Variants in ANXA4 observed in about 807,000 individuals in gnomAD.
ANXA4 encodes the protein annexin A4.
ANXA4 carries 39 observed loss-of-function variants against 49.8 expected under a neutral mutation model. The ratio of observed to expected loss-of-function variants is 0.78; its 90% CI spans 0.61 to 1.02. The LOEUF (loss-of-function observed/expected upper bound fraction) is 1.02. Among genes scored for constraint, ANXA4 ranks in the 50% least tolerant of loss-of-function variants. The pLI, the probability that ANXA4 is intolerant of heterozygous loss-of-function variation, is 0.00. For synonymous variants in ANXA4, 134 were observed against 152.5 expected (o/e 0.88, Z 0.89); for missense variants, 360 against 410.1 (o/e 0.88, Z 1.05).
chr2:69,774,843 CT>C (rs1321429060), intron 1 of ANXA4, among the ~76,000 whole-genome samples: 1 of 152,118 alleles, frequency 6.6e-6, no homozygotes, highest in Non-Finnish European at 1.5e-5. Flanking sequence ...CTTAGTGTGG[CT>C]TTTGTCCAGT....
intron 2 of ANXA4, among the ~76,000 whole-genome samples, chr2:69,714,171 C>T (rs1573135189): frequency 6.6e-6 from 1 of 152,292 alleles, no homozygotes; most frequent in East Asian, 1.9e-4. Context: ...CAAGGTCTGC[C>T]TTCTGACAAG....
intron 1 of ANXA4, among the ~76,000 whole-genome samples, chr2:69,751,456 C>T (rs2105494311): frequency 7.1e-6 from 1 of 141,530 alleles, no homozygotes; most frequent in African/African-American, 2.7e-5. Flanking sequence ...TGCAGTGAGC[C>T]AAGATCGTGC....
At chr2:69,775,866 G>C (rs1264485061) in intron 1 of ANXA4, among the ~76,000 whole-genome samples, 3 of 152,148 alleles carry the variant, frequency 2.0e-5, no homozygotes, top group Non-Finnish European at 2.9e-5. Context: ...TAAGCTTCTT[G>C]GGTCTTTTGT....
intron 1 of ANXA4, among the ~76,000 whole-genome samples, chr2:69,774,989 A>C (rs1025357209): frequency 1.4e-4 from 21 of 152,232 alleles, no homozygotes; most frequent in African/African-American, 5.1e-4. Context: ...AATACTCTGC[A>C]GTGTTCGAAA....
chr2:69,762,403 A>G (rs1481067708), intron 1 of ANXA4, among the ~76,000 whole-genome samples: 4 of 151,868 alleles, frequency 2.6e-5, no homozygotes. Flanking sequence ...AAAAAAAAAA[A>G]AGACATAGTG....
At chr2:69,655,089 C>T (rs955255981) in intron 2 of ANXA4, among the ~76,000 whole-genome samples, 12 of 152,082 alleles carry the variant, frequency 7.9e-5, no homozygotes, top group Admixed American at 4.6e-4. Context: ...AGAAAACCTA[C>T]GCAATACCAT....
intron 4 of ANXA4, 77 bp downstream of exon 4, chr2:69,804,704 C>T: frequency 8.3e-7 from 1 of 1,204,704 alleles, no homozygotes; most frequent in Non-Finnish European, 1.2e-6. Flanking sequence ...GATCTAGGTT[C>T]CCGAAGTGAC....
At chr2:69,793,592 A>G (rs1672792885) in intron 3 of ANXA4, among the ~76,000 whole-genome samples, 2 of 152,220 alleles carry the variant, frequency 1.3e-5, no homozygotes, top group Non-Finnish European at 2.9e-5. Context: ...CAATTGGATT[A>G]TTGGCCTCTG....
intron 2 of ANXA4, chr2:69,700,465 A>G (rs1678295866): frequency 2.0e-5 from 3 of 152,224 alleles, no homozygotes; most frequent in African/African-American, 7.2e-5. Flanking sequence ...TATCACTGCC[A>G]CCATCCGTAC....
At chr2:69,723,796 C>T (rs1044251318) in intron 3 of ANXA4, among the ~76,000 whole-genome samples, 1 of 152,166 alleles carries the variant, frequency 6.6e-6, no homozygotes, top group Admixed American at 6.5e-5. Context: ...GTCATCCTCC[C>T]ACGTTGGTCT....
intron 2 of ANXA4, among the ~76,000 whole-genome samples, chr2:69,783,725 A>G: frequency 6.6e-6 from 1 of 152,140 alleles, no homozygotes. Flanking sequence ...TATCATTCCT[A>G]GAAGCTCCTC....
intron 3 of ANXA4, among the ~76,000 whole-genome samples, chr2:69,726,513 T>C (rs892793115): frequency 6.6e-6 from 1 of 152,188 alleles, no homozygotes; most frequent in Non-Finnish European, 1.5e-5. Flanking sequence ...AAGATTGACT[T>C]CTTTAATATA....
rs1378708184 is a variant in ANXA4 at position 69,825,610 on chromosome 2, T to G, written c.*95T>G. On this transcript the variant is annotated 3_prime_UTR_variant, in exon 13 of 13. Coordinates refer to ENST00000394295, the MANE Select transcript of ANXA4 (RefSeq NM_001153.5). ...GCTATTATCATTATCTCAGAATGCT[T>G]ATTTCCAATTAAAACGCCTACAGCT... The G allele has an allele frequency of 1.1e-6, 1 of 933,934 alleles. No homozygotes were observed. The highest frequency in any genetic ancestry group is 2.6e-5 in the East Asian group (1 of 39,008). 57.9% of individuals were successfully genotyped at this position (933,934 alleles called of 1,614,324 possible).
At chr2:69,708,635 G>A (rs1158618309) in intron 2 of ANXA4, among the ~76,000 whole-genome samples, 1 of 152,062 alleles carries the variant, frequency 6.6e-6, no homozygotes, top group African/African-American at 2.4e-5. Context: ...CATCCTGCAG[G>A]ACCAGCAGGT....
intron 3 of ANXA4, among the ~76,000 whole-genome samples, chr2:69,735,499 A>T (rs1227052746): frequency 2.6e-5 from 4 of 152,158 alleles, no homozygotes; most frequent in Non-Finnish European, 5.9e-5. Flanking sequence ...AAACAAAGTC[A>T]TCTTCCTTGC....
chr2:69,652,125 GCCTC>G (rs1676274944), intron 1 of ANXA4, among the ~76,000 whole-genome samples: 1 of 151,828 alleles, frequency 6.6e-6, no homozygotes, highest in Non-Finnish European at 1.5e-5. Context: ...AGATTCTCCT[GCCTC>G]AGCCTCCCAA....
At chr2:69,775,822 T>G (rs1393012228) in intron 1 of ANXA4, among the ~76,000 whole-genome samples, 1 of 152,134 alleles carries the variant, frequency 6.6e-6, no homozygotes, top group Non-Finnish European at 1.5e-5. Flanking sequence ...TCCAGGGAAG[T>G]CCCCAGCCCC....
At chr2:69,659,894 G>A (rs1445902266) in intron 2 of ANXA4, among the ~76,000 whole-genome samples, 1 of 152,048 alleles carries the variant, frequency 6.6e-6, no homozygotes, top group Non-Finnish European at 1.5e-5. Flanking sequence ...AATGTCATAA[G>A]TCAAGAACTT....
At chr2:69,773,838 G>A (rs1023141294) in intron 1 of ANXA4, among the ~76,000 whole-genome samples, 1 of 151,606 alleles carries the variant, frequency 6.6e-6, no homozygotes, top group African/African-American at 2.4e-5. Context: ...CACCATATTG[G>A]TCAGGCTGGT....
Sources: allele counts gnomAD v4.1 joint callset (sites outside exome capture counted in the v4.1 genomes callset), GRCh38; gene constraint gnomAD v4.1.1; transcripts MANE v1.5; gene names NCBI Gene and HGNC (gene_info 2026-07-23, HGNC 2026-07-21).